Variants in MSR1 observed in about 807,000 individuals in gnomAD.
MSR1 encodes the protein macrophage scavenger receptor 1, also known as macrophage scavenger receptor types I and II.
MSR1 carries 53 observed loss-of-function variants against 47.2 expected under a neutral mutation model. The observed-to-expected ratio is 1.12, with a 90% CI of 0.90 to 1.41. The LOEUF is 1.41. MSR1 is among the 40% of genes most tolerant of loss of function. The pLI, the probability that MSR1 is intolerant of heterozygous loss-of-function variation, is 0.00. For missense variants in MSR1, 786 were observed against 546.9 expected, an observed-to-expected ratio of 1.44 and a Z score of -4.36; for synonymous variants, 239 against 185.6, an observed-to-expected ratio of 1.29 and a Z score of -2.34.
intron 8 of MSR1, chr8:16,141,016 C>G: frequency 6.2e-7 from 1 of 1,613,678 alleles, no homozygotes; most frequent in Non-Finnish European, 8.5e-7. Flanking sequence ...GAGGGCCCTG[C>G]CCTAATATGA....
chr8:16,158,536 T>C (rs982620927), intron 5 of MSR1, among the ~76,000 whole-genome samples: 3 of 152,010 alleles, frequency 2.0e-5, no homozygotes, highest in Non-Finnish European at 2.9e-5. Flanking sequence ...TTATGAGCAT[T>C]AATCTTCTAC....
intron 5 of MSR1, among the ~76,000 whole-genome samples, chr8:16,163,052 A>G (rs893097604): frequency 3.9e-5 from 6 of 152,084 alleles, no homozygotes; most frequent in Non-Finnish European, 7.4e-5. Flanking sequence ...GAATGTTAAG[A>G]TACTGATCAA....
At chr8:16,173,777 T>C (rs1259794369) in intron 3 of MSR1, among the ~76,000 whole-genome samples, 1 of 152,046 alleles carries the variant, frequency 6.6e-6, no homozygotes, top group Non-Finnish European at 1.5e-5. Flanking sequence ...GCCTCCCGAG[T>C]AGCTGGGACT....
intron 7 of MSR1, among the ~76,000 whole-genome samples, chr8:16,148,466 C>T (rs1800758498): frequency 7.6e-6 from 1 of 131,264 alleles, no homozygotes; most frequent in African/African-American, 3.0e-5. Context: ...ATTTCTAAAA[C>T]TTTTTTTTTT....
rs1563143057 is a variant in MSR1, at chr8:16,129,353, A to G, written c.1034-8747T>C. 2.0e-5 allele frequency among the ~76,000 whole-genome samples: 3 copies of G among 152,084 alleles called. No homozygotes were observed. The South Asian group carries it at 6.2e-4, about 32-fold the overall frequency. The stretch of plus-strand genomic sequence containing the variant: ...AATGAAAATAACTACAGCATCCGGG[A>G]AAGGATTAAGAGTCTGTAGGCTAAG... On this transcript the variant is annotated intron_variant, in intron 8 of 9. Coordinates refer to ENST00000262101, the MANE Select transcript of MSR1 (RefSeq NM_138715.3).
At position 16,164,185 on chromosome 8, in the gene MSR1, GTTC is replaced by G. The variant is rs1187006037; in HGVS notation, c.694_696del (p.Glu232del). On this transcript the variant is annotated inframe_deletion, in exon 5 of 10. Transcript: ENST00000262101. ...TTTATTTCCTGTTCCAAATGCACTT[GTTC>G]TTCTTTCATAGCCATAATTTCTGCT... 11 of 1,612,130 alleles carry G rather than the reference GTTC, an allele frequency of 6.8e-6. No homozygotes were observed. Among genetic ancestry groups the G allele is most frequent in the African/African-American group, 1.3e-5 (1 of 74,930 alleles).
At chr8:16,140,976 G>T (rs776618327) in intron 8 of MSR1, 33 of 1,613,854 alleles carry the variant, frequency 2.0e-5, no homozygotes, top group Non-Finnish European at 2.6e-5. Context: ...TGGTAGCAGA[G>T]GATGTCCCGC....
At chr8:16,133,447 A>G (rs1800312230) in intron 8 of MSR1, among the ~76,000 whole-genome samples, 1 of 152,164 alleles carries the variant, frequency 6.6e-6, no homozygotes, top group Admixed American at 6.5e-5. Flanking sequence ...TTGATGAGAG[A>G]AATGAGCAAG....
In MSR1 at chr8:16,109,886, T is replaced by C. The variant is rs562810761; in HGVS notation, c.*199A>G. The C allele has an allele frequency of 1.6e-6, 1 of 643,520 alleles. No individual in the cohort carries two copies. Among genetic ancestry groups the C allele is most frequent in the African/African-American group, 1.8e-5 (1 of 54,714 alleles). The allele number at this position is 643,520 out of a possible 1,614,324, so 39.9% of individuals were successfully genotyped here. On this transcript the variant is annotated 3_prime_UTR_variant, in exon 10 of 10. Coordinates refer to ENST00000262101, the MANE Select transcript of MSR1 (RefSeq NM_138715.3). ...TATTAGAAAATTCCATTTAAAAACC[T>C]ATAGAAGTTAAAATGATTTAAATAT...
At position 16,153,160 on chromosome 8, in the gene MSR1, T is replaced by C. The variant is rs1467528448; in HGVS notation, c.898+1904A>G. ...TTTGACTTGGTCAAGCTGAGTTTAG[T>C]AGGCTCAAATGGATGTAGAGATGGG... On this transcript the variant is annotated intron_variant, in intron 6 of 9. Transcript: ENST00000262101. Among the ~76,000 whole-genome samples, 3 of 152,006 alleles carry C rather than the reference T, an allele frequency of 2.0e-5. No individual in the cohort carries two copies. The East Asian group carries it at 5.8e-4, about 29-fold the overall frequency.
intron 9 of MSR1, among the ~76,000 whole-genome samples, chr8:16,115,595 C>G (rs1165230666): frequency 6.6e-6 from 1 of 152,034 alleles, no homozygotes; most frequent in Non-Finnish European, 1.5e-5. Flanking sequence ...CTATTTTTTT[C>G]TCTCAGCTCA....
intron 8 of MSR1, among the ~76,000 whole-genome samples, chr8:16,124,871 C>A (rs1314872988): frequency 6.6e-6 from 1 of 151,650 alleles, no homozygotes; most frequent in Non-Finnish European, 1.5e-5. Flanking sequence ...CTGCATTACC[C>A]AGTGAGATTA....
chr8:16,118,885 A>G (rs1799936264), intron 9 of MSR1, among the ~76,000 whole-genome samples: 1 of 152,172 alleles, frequency 6.6e-6, no homozygotes, highest in Non-Finnish European at 1.5e-5. Flanking sequence ...CCTTGAGAAT[A>G]TCTTACTATT....
chr8:16,184,749 T>C (rs192677081), intron 1 of MSR1, among the ~76,000 whole-genome samples: 5 of 152,314 alleles, frequency 3.3e-5, no homozygotes, highest in African/African-American at 4.8e-5. Context: ...CCCTTTCACT[T>C]TGAACTAGAG....
At chr8:16,174,901 T>C (rs934852101) in intron 3 of MSR1, among the ~76,000 whole-genome samples, 5 of 152,256 alleles carry the variant, frequency 3.3e-5, no homozygotes, top group African/African-American at 1.2e-4. Context: ...GAGGATAATA[T>C]ATTTTTGAAA....
intron 8 of MSR1, chr8:16,139,756 AAAAAAAAAAAAAAAAAAAATATAT>A (rs1800483540): frequency 6.7e-6 from 1 of 150,146 alleles, no homozygotes; most frequent in African/African-American, 9.1e-5. Flanking sequence ...TTAAAAAAAA[AAAAAAAAAAAAAAAAAAAATATAT>A]ATATATATAT....
At chr8:16,139,371 C>A in intron 8 of MSR1, 1 of 936,328 alleles carries the variant, frequency 1.1e-6, no homozygotes. Context: ...CACACAATAT[C>A]TTACTTGATC....
chr8:16,158,805 T>C (rs1033623015), intron 5 of MSR1, among the ~76,000 whole-genome samples: 2 of 151,950 alleles, frequency 1.3e-5, no homozygotes, highest in Admixed American at 6.6e-5. Context: ...CCTGATCCTA[T>C]GCTACCATGT....
intron 1 of MSR1, among the ~76,000 whole-genome samples, chr8:16,189,605 A>G (rs1802127083): frequency 1.1e-5 from 1 of 91,144 alleles, no homozygotes; most frequent in Admixed American, 1.6e-4. Flanking sequence ...ATATATATAT[A>G]AAATCTTATT....
Sources: allele counts gnomAD v4.1 joint callset (sites outside exome capture counted in the v4.1 genomes callset), GRCh38; gene constraint gnomAD v4.1.1; transcripts MANE v1.5; gene names NCBI Gene and HGNC (gene_info 2026-07-23, HGNC 2026-07-21).